ST6GALNAC3: variants seen among roughly 807,000 people sequenced by gnomAD.
The protein encoded by ST6GALNAC3 is ST6 N-acetylgalactosaminide alpha-2,6-sialyltransferase 3.
In ST6GALNAC3, 25 loss-of-function variants were observed where a neutral mutation model predicts 32.7. That is an observed-to-expected ratio of 0.76 (90% CI 0.56 to 1.07). The LOEUF is 1.07. ST6GALNAC3 is among the 50% of genes least tolerant of loss of function. The probability of loss-of-function intolerance (pLI) is 0.00; values close to 1 mark genes in which losing one functional copy is unlikely to be tolerated. For synonymous variants in ST6GALNAC3, 129 were observed against 133.1 expected, an observed-to-expected ratio of 0.97 and a Z score of 0.21; for missense variants, 355 against 382.4, an observed-to-expected ratio of 0.93 and a Z score of 0.60.
At chr1:76,478,812 G>C (rs1166528424) in intron 3 of ST6GALNAC3, among the ~76,000 whole-genome samples, 1 of 142,864 alleles carries the variant, frequency 7.0e-6, no homozygotes, top group Non-Finnish European at 1.5e-5. Flanking sequence ...TCCCAGGCTG[G>C]AGTGCAGTGG....
At chr1:76,436,112 C>A (rs1036244560) in intron 3 of ST6GALNAC3, among the ~76,000 whole-genome samples, 2 of 151,788 alleles carry the variant, frequency 1.3e-5, no homozygotes, top group Non-Finnish European at 2.9e-5. Flanking sequence ...TTTTAAAACA[C>A]CTTTGAATAA....
At position 76,128,459 on chromosome 1, in the gene ST6GALNAC3, A is replaced by G. The variant is rs779460969; in HGVS notation, c.18+53575A>G. On this transcript the variant is annotated intron_variant, in intron 1 of 4. Transcript: ENST00000328299. ...AAACTTCTCCCAGTGAGGAAGAAGAATCTAGGAGCCAGTGGCAACTCCAGA... is the reference window on the plus strand; with the variant it reads ...AAACTTCTCCCAGTGAGGAAGAAGAGTCTAGGAGCCAGTGGCAACTCCAGA... Among the ~76,000 whole-genome samples, 157 of 152,204 alleles carry G rather than the reference A, an allele frequency of 1.0e-3. 1 individual carries two copies. Among genetic ancestry groups the G allele is most frequent in the Non-Finnish European group, 1.9e-3 (126 of 68,032 alleles).
chr1:76,177,909 A>G (rs562771025), intron 1 of ST6GALNAC3, among the ~76,000 whole-genome samples: 7 of 152,178 alleles, frequency 4.6e-5, no homozygotes, highest in Non-Finnish European at 1.0e-4. Flanking sequence ...ACCCTCCCTG[A>G]AAAAGAGGGA....
intron 3 of ST6GALNAC3, among the ~76,000 whole-genome samples, chr1:76,594,613 A>G (rs557454504): frequency 6.6e-6 from 1 of 152,364 alleles, no homozygotes; most frequent in South Asian, 2.1e-4. Flanking sequence ...TAGATTAGCT[A>G]GCTAGCTAGC....
chr1:76,112,128 A>C (rs1648020264), intron 1 of ST6GALNAC3, among the ~76,000 whole-genome samples: 1 of 124,816 alleles, frequency 8.0e-6, no homozygotes, highest in African/African-American at 3.1e-5. Flanking sequence ...TGACACTCCC[A>C]CCTCCCTCCC....
chr1:76,234,910 G>A (rs1282706245), intron 1 of ST6GALNAC3, among the ~76,000 whole-genome samples: 1 of 152,060 alleles, frequency 6.6e-6, no homozygotes, highest in African/African-American at 2.4e-5. Flanking sequence ...TACCTGAGAG[G>A]GCTCTACCTA....
intron 1 of ST6GALNAC3, among the ~76,000 whole-genome samples, chr1:76,229,626 G>T (rs1392835155): frequency 6.6e-6 from 1 of 152,166 alleles, no homozygotes; most frequent in Non-Finnish European, 1.5e-5. Flanking sequence ...GGCAAGAAAT[G>T]ATATTGTCCA....
intron 1 of ST6GALNAC3, among the ~76,000 whole-genome samples, chr1:76,111,771 A>C (rs1254225706): frequency 6.6e-6 from 1 of 150,766 alleles, no homozygotes; most frequent in African/African-American, 2.5e-5. Context: ...TCACAGATCA[A>C]CAGGATCCCA....
intron 3 of ST6GALNAC3, among the ~76,000 whole-genome samples, chr1:76,432,791 A>G (rs1278475319): frequency 2.0e-5 from 3 of 152,006 alleles, no homozygotes; most frequent in Admixed American, 6.6e-5. Flanking sequence ...TGAGTGACTT[A>G]CCTTTTGGGA....
chr1:76,158,259 C>G (rs1469245353), intron 1 of ST6GALNAC3, among the ~76,000 whole-genome samples: 1 of 152,130 alleles, frequency 6.6e-6, no homozygotes, highest in Middle Eastern at 3.4e-3. Flanking sequence ...TTCTGTCTTT[C>G]CTGGCTTACT....
At chr1:76,155,487 T>G (rs1357209334) in intron 1 of ST6GALNAC3, among the ~76,000 whole-genome samples, 1 of 152,204 alleles carries the variant, frequency 6.6e-6, no homozygotes, top group East Asian at 1.9e-4. Flanking sequence ...ATTTTATTTT[T>G]TTGAGACGGA....
chr1:76,312,717 C>G (rs561377358), intron 1 of ST6GALNAC3, among the ~76,000 whole-genome samples: 1 of 152,128 alleles, frequency 6.6e-6, no homozygotes, highest in Admixed American at 6.6e-5. Context: ...TTTCCATCAC[C>G]TAGCAAACTT....
chr1:76,091,052 A>G (rs1571125987), intron 1 of ST6GALNAC3, among the ~76,000 whole-genome samples: 2 of 152,308 alleles, frequency 1.3e-5, no homozygotes, highest in East Asian at 1.9e-4. Context: ...AAGTTAAAAC[A>G]TGGCAATGAC....
intron 3 of ST6GALNAC3, among the ~76,000 whole-genome samples, chr1:76,456,318 T>C (rs1278492101): frequency 6.6e-6 from 1 of 152,208 alleles, no homozygotes; most frequent in Admixed American, 6.5e-5. Flanking sequence ...TTATATGGTC[T>C]CTTTTTTCGT....
At chr1:76,311,950 C>A (rs1467064751) in intron 1 of ST6GALNAC3, among the ~76,000 whole-genome samples, 3 of 152,120 alleles carry the variant, frequency 2.0e-5, no homozygotes, top group African/African-American at 7.2e-5. Flanking sequence ...CTGTTGTTTC[C>A]TGACTTTTTA....
At chr1:76,455,756 G>A (rs939023835) in intron 3 of ST6GALNAC3, among the ~76,000 whole-genome samples, 4 of 152,086 alleles carry the variant, frequency 2.6e-5, no homozygotes, top group African/African-American at 4.8e-5. Context: ...CCAGCATTTT[G>A]TTGTGCTTTT....
chr1:76,145,870 T>G (rs1475094734), intron 1 of ST6GALNAC3, among the ~76,000 whole-genome samples: 1 of 152,238 alleles, frequency 6.6e-6, no homozygotes. Flanking sequence ...CTAAGTTTCT[T>G]TTTCTTTTAA....
intron 4 of ST6GALNAC3, among the ~76,000 whole-genome samples, chr1:76,628,261 T>A (rs931987975): frequency 2.6e-5 from 4 of 151,948 alleles, no homozygotes; most frequent in Admixed American, 2.0e-4. Context: ...ACTATAAGCA[T>A]AATGGAGCTC....
intron 2 of ST6GALNAC3, among the ~76,000 whole-genome samples, chr1:76,404,695 C>G (rs1456952839): frequency 6.6e-6 from 1 of 151,994 alleles, no homozygotes; most frequent in Non-Finnish European, 1.5e-5. Flanking sequence ...CTTTGTTCAA[C>G]CTGCTTTGTT....
Sources: allele counts gnomAD v4.1 joint callset (sites outside exome capture counted in the v4.1 genomes callset), GRCh38; gene constraint gnomAD v4.1.1; transcripts MANE v1.5; gene names NCBI Gene and HGNC (gene_info 2026-07-23, HGNC 2026-07-21).